The following CLASP1 variants were observed in gnomAD, a reference collection of about 807,000 sequenced individuals.
CLASP1 encodes the protein CLIP-associating protein 1.
In CLASP1, 38 loss-of-function variants were observed where a neutral mutation model predicts 192.3. That is an observed-to-expected ratio of 0.20 (90% CI 0.15 to 0.26). The LOEUF (loss-of-function observed/expected upper bound fraction) is 0.26. Among genes scored for constraint, CLASP1 ranks in the 10% least tolerant of loss-of-function variants. The pLI is 1.00. For missense variants in CLASP1, 1,433 were observed against 1,932.5 expected (o/e 0.74, Z 4.85); for synonymous variants, 691 against 712.8 (o/e 0.97, Z 0.49).
At chr2:121,606,105 TAGG>T (rs1434316145) in exon 2 of CLASP1, 13 of 573,790 alleles carry the variant, frequency 2.3e-5, no homozygotes, top group Admixed American at 9.4e-5. Context: ...AAATAACTAG[TAGG>T]AGATAAAGGA....
intron 18 of CLASP1, 55 bp from the exon 19 acceptor site, chr2:121,447,562 C>A: frequency 2.9e-6 from 4 of 1,376,262 alleles, no homozygotes; most frequent in Non-Finnish European, 4.0e-6. Context: ...TTTGAAAATA[C>A]ATTGCTAAAA....
chr2:121,480,197 G>A (rs1372741894), intron 8 of CLASP1, among the ~76,000 whole-genome samples: 2 of 152,200 alleles, frequency 1.3e-5, no homozygotes, highest in African/African-American at 2.4e-5. Flanking sequence ...GAGGTCAAAT[G>A]GGACGACACC....
chr2:121,417,994 A>T (rs1443235979), intron 23 of CLASP1, among the ~76,000 whole-genome samples: 1 of 152,248 alleles, frequency 6.6e-6, no homozygotes, highest in Non-Finnish European at 1.5e-5. Context: ...ACAGCACTTA[A>T]CATGGCCAGC....
chr2:121,632,383 A>G (rs1021887974), intron 1 of CLASP1, among the ~76,000 whole-genome samples: 1 of 152,246 alleles, frequency 6.6e-6, no homozygotes, highest in Non-Finnish European at 1.5e-5. Context: ...ATTTATTCAT[A>G]TATGTGCAAA....
chr2:121,644,470 GTAAA>G (rs1406417648), intron 1 of CLASP1, among the ~76,000 whole-genome samples: 7 of 151,982 alleles, frequency 4.6e-5, no homozygotes, highest in African/African-American at 1.7e-4. Context: ...GCCCAACATG[GTAAA>G]ACCCCGTCTC....
chr2:121,559,167 CCAAGAT>C (rs1197614621), intron 2 of CLASP1, among the ~76,000 whole-genome samples: 2 of 152,096 alleles, frequency 1.3e-5, no homozygotes, highest in Non-Finnish European at 2.9e-5. Flanking sequence ...CTTTAGAAAC[CCAAGAT>C]GGCTACAGCA....
intron 6 of CLASP1, among the ~76,000 whole-genome samples, chr2:121,523,377 ACAAGT>A (rs1412143410): frequency 2.6e-5 from 4 of 152,230 alleles, no homozygotes; most frequent in Non-Finnish European, 5.9e-5. Context: ...TAGAGACCTT[ACAAGT>A]TAACCCTAGA....
intron 19 of CLASP1, chr2:121,445,635 C>A (rs2084183881): frequency 2.5e-6 from 1 of 396,418 alleles, no homozygotes; most frequent in Non-Finnish European, 4.8e-6. Flanking sequence ...TGTTTGGGGA[C>A]AAAATAAGGG....
chr2:121,589,246 T>A (rs2062085885), intron 2 of CLASP1, among the ~76,000 whole-genome samples: 1 of 152,216 alleles, frequency 6.6e-6, no homozygotes, highest in Non-Finnish European at 1.5e-5. Context: ...TTTACAAAGG[T>A]GTTTTTTGAA....
At chr2:121,385,437 G>C (rs1341598809) in intron 32 of CLASP1, among the ~76,000 whole-genome samples, 2 of 152,180 alleles carry the variant, frequency 1.3e-5, no homozygotes, top group Admixed American at 6.5e-5. Flanking sequence ...TTCTTCCACT[G>C]ATCTGTAACT....
chr2:121,435,670 T>C (rs544294287), intron 19 of CLASP1, among the ~76,000 whole-genome samples: 1 of 152,388 alleles, frequency 6.6e-6, no homozygotes, highest in Admixed American at 6.5e-5. Flanking sequence ...TTTTTAAAGA[T>C]GCTTTACTAT....
rs114161971 is a variant in CLASP1 at position 121,595,990 on chromosome 2, G to A, written c.195+9711C>T. Among the ~76,000 whole-genome samples the A allele has an allele frequency of 9.8e-3, 1,494 of 152,284 alleles. 17 individuals are homozygous for A. The highest frequency in any genetic ancestry group is 0.016 in the Non-Finnish European group (1,075 of 68,024). Reference sequence around the variant, plus strand: ...TACAGATGAGGAAATACATTCTAGAGAGAAAGCTACCTGCTCAAATATATG... The same window carrying A: ...TACAGATGAGGAAATACATTCTAGAAAGAAAGCTACCTGCTCAAATATATG... On this transcript the variant is annotated intron_variant, in intron 2 of 39. Coordinates refer to ENST00000263710, the Ensembl canonical transcript of CLASP1.
chr2:121,543,504 T>TA (rs1230172796), intron 2 of CLASP1, among the ~76,000 whole-genome samples: 37 of 152,078 alleles, frequency 2.4e-4, no homozygotes, highest in African/African-American at 8.5e-4. Flanking sequence ...ATATGGACTT[T>TA]CAAAATTTTC....
At chr2:121,404,963 A>G (rs1406983868) in intron 25 of CLASP1, among the ~76,000 whole-genome samples, 1 of 152,206 alleles carries the variant, frequency 6.6e-6, no homozygotes, top group Non-Finnish European at 1.5e-5. Flanking sequence ...ACAAAACAGC[A>G]TGTGTTTCAG....
At chr2:121,367,138 A>G (rs548768923) in intron 35 of CLASP1, among the ~76,000 whole-genome samples, 18 of 152,314 alleles carry the variant, frequency 1.2e-4, no homozygotes, top group South Asian at 4.1e-4. Flanking sequence ...AGGAGAGGGA[A>G]GCCTCAGAGC....
chr2:121,558,246 C>A (rs771664915), intron 2 of CLASP1, among the ~76,000 whole-genome samples: 1 of 152,074 alleles, frequency 6.6e-6, no homozygotes, highest in Non-Finnish European at 1.5e-5. Flanking sequence ...CTTCCCGTAG[C>A]CCAATGGACT....
chr2:121,463,400 T>C (rs2088563606), intron 9 of CLASP1, among the ~76,000 whole-genome samples: 1 of 152,188 alleles, frequency 6.6e-6, no homozygotes, highest in Admixed American at 6.6e-5. Flanking sequence ...GAAAGGGGCT[T>C]TAAAGACAAT....
chr2:121,369,414 GTTTCTT>G (rs976779002), intron 34 of CLASP1, among the ~76,000 whole-genome samples: 1 of 151,808 alleles, frequency 6.6e-6, no homozygotes, highest in Non-Finnish European at 1.5e-5. Context: ...GGTTTTAATT[GTTTCTT>G]TTTATAAGTC....
chr2:121,511,953 T>C (rs1416670000), intron 7 of CLASP1, among the ~76,000 whole-genome samples: 2 of 152,230 alleles, frequency 1.3e-5, no homozygotes, highest in African/African-American at 2.4e-5. Flanking sequence ...AAGTTAAAAA[T>C]TTTAAAGTAC....
Sources: gnomAD v4.1 joint callset for allele counts (sites outside exome capture counted in the v4.1 genomes callset) on GRCh38, gnomAD v4.1.1 for gene constraint, MANE v1.5 for transcripts, NCBI Gene and HGNC (gene_info 2026-07-23, HGNC 2026-07-21) for gene names.